The following ABCD3 variants were observed in gnomAD, a reference collection of about 807,000 sequenced individuals.
The protein encoded by ABCD3 is ATP binding cassette subfamily D member 3, also known as ATP-binding cassette sub-family D member 3.
In ABCD3, 41 loss-of-function variants were observed where a neutral mutation model predicts 105.5. That is an observed-to-expected ratio of 0.39 (90% CI 0.30 to 0.50). The LOEUF is 0.50. Among genes scored for constraint, ABCD3 ranks in the 20% least tolerant of loss-of-function variants. The pLI, the probability that ABCD3 is intolerant of heterozygous loss-of-function variation, is 0.84. For synonymous variants in ABCD3, 258 were observed against 269.0 expected, an observed-to-expected ratio of 0.96 and a Z score of 0.40; for missense variants, 622 against 806.3, an observed-to-expected ratio of 0.77 and a Z score of 2.77.
the ABCD3 span, among the ~76,000 whole-genome samples, chr1:94,392,789 CT>C: frequency 6.6e-6 from 1 of 151,934 alleles, no homozygotes; most frequent in Non-Finnish European, 1.5e-5. Context: ...GATTTGTGAC[CT>C]TTTTTTAAAG....
At chr1:94,470,278 T>C (rs2100986583) in intron 4 of ABCD3, among the ~76,000 whole-genome samples, 1 of 152,326 alleles carries the variant, frequency 6.6e-6, no homozygotes, top group Admixed American at 6.5e-5. Context: ...CACTCTGTTC[T>C]GGGTCTCAAC....
chr1:94,447,677 A>T (rs2100930631), intron 1 of ABCD3, among the ~76,000 whole-genome samples: 1 of 152,282 alleles, frequency 6.6e-6, no homozygotes, highest in East Asian at 1.9e-4. Context: ...ATCGAGAAAC[A>T]TTACCCCAAT....
chr1:94,436,525 C>T (rs1206262534), intron 1 of ABCD3, among the ~76,000 whole-genome samples: 1 of 152,154 alleles, frequency 6.6e-6, no homozygotes, highest in Admixed American at 6.5e-5. Flanking sequence ...TTGATATAGG[C>T]ATGCCTCATT....
rs191475499 is a variant in ABCD3 at position 94,424,903 on chromosome 1, T to C, written c.110+6315T>C. ...AATTTTTGTCTATTTTATTCACAGT[T>C]ATAGCCCCAGTGGCTAGAACTGTGG... On this transcript the variant is annotated intron_variant, in intron 1 of 22. Coordinates refer to ENST00000370214, the MANE Select transcript of ABCD3 (RefSeq NM_002858.4). Among the ~76,000 whole-genome samples the C allele has an allele frequency of 3.2e-4, 48 of 152,364 alleles. 1 individual carries two copies. The highest frequency in any genetic ancestry group is 3.4e-3 in the Middle Eastern group (1 of 294).
intron 21 of ABCD3, among the ~76,000 whole-genome samples, chr1:94,509,583 C>T (rs1457386563): frequency 6.6e-6 from 1 of 152,222 alleles, no homozygotes; most frequent in South Asian, 2.1e-4. Flanking sequence ...CTCCTTGTAC[C>T]TCTGGTAGAA....
chr1:94,455,671 T>A (rs1647516173), intron 1 of ABCD3: 1 of 451,974 alleles, frequency 2.2e-6, no homozygotes, highest in African/African-American at 2.0e-5. Context: ...AGGACTTATA[T>A]GTAGATTATG....
the ABCD3 span, among the ~76,000 whole-genome samples, chr1:94,385,300 G>A: frequency 6.6e-6 from 1 of 152,164 alleles, no homozygotes; most frequent in African/African-American, 2.4e-5. Flanking sequence ...TCTAGAAAGT[G>A]TCCTGAGCAA....
Position 94,458,603 on chromosome 1 carries a change from G to T in ABCD3, c.111-4G>T. 6.2e-7 allele frequency: 1 copy of T among 1,611,020 alleles called. No homozygotes were observed. The highest frequency in any genetic ancestry group is 8.5e-7 in the Non-Finnish European group (1 of 1,177,950). On this transcript the variant is annotated splice_polypyrimidine_tract_variant and splice_region_variant and intron_variant, in intron 1 of 22. Transcript: ENST00000370214. Reference sequence around the variant, plus strand: ...AGCTCTCTCTCTCTTTTTTTCCTCTGCAGTAAGAAAAGTGGAAAACCACCA... The same window carrying T: ...AGCTCTCTCTCTCTTTTTTTCCTCTTCAGTAAGAAAAGTGGAAAACCACCA...
chr1:94,446,052 A>G (rs1391110491), intron 1 of ABCD3, among the ~76,000 whole-genome samples: 1 of 152,216 alleles, frequency 6.6e-6, no homozygotes, highest in Non-Finnish European at 1.5e-5. Context: ...AAAAGAATGT[A>G]GAAAAAATCA....
chr1:94,433,032 A>T (rs1659751000), intron 1 of ABCD3, among the ~76,000 whole-genome samples: 1 of 148,454 alleles, frequency 6.7e-6, no homozygotes. Context: ...TAATTTTTGT[A>T]TTTTCAGTAG....
intron 1 of ABCD3, 75 bp downstream of exon 1, chr1:94,418,663 G>T: frequency 6.9e-7 from 1 of 1,457,478 alleles, no homozygotes; most frequent in Non-Finnish European, 9.3e-7. Context: ...TCCCCACCCG[G>T]CCGACAGGTC....
intron 1 of ABCD3, among the ~76,000 whole-genome samples, chr1:94,440,770 G>A (rs961460941): frequency 3.3e-5 from 5 of 152,068 alleles, no homozygotes; most frequent in Admixed American, 6.5e-5. Context: ...TTCTAGTTTC[G>A]TTGTATGTGT....
At chr1:94,511,066 C>G (rs905809928) in intron 21 of ABCD3, among the ~76,000 whole-genome samples, 29 of 151,856 alleles carry the variant, frequency 1.9e-4, no homozygotes, top group East Asian at 5.8e-4. Context: ...CTCGTTAGTT[C>G]ATGCAGTTTC....
At chr1:94,471,952 T>C (rs1305551652) in intron 4 of ABCD3, among the ~76,000 whole-genome samples, 1 of 152,130 alleles carries the variant, frequency 6.6e-6, no homozygotes, top group Non-Finnish European at 1.5e-5. Context: ...GACACCCTCT[T>C]TAAGGTAGAA....
At chr1:94,461,863 G>A (rs1244378255) in intron 2 of ABCD3, among the ~76,000 whole-genome samples, 1 of 152,100 alleles carries the variant, frequency 6.6e-6, no homozygotes, top group Non-Finnish European at 1.5e-5. Flanking sequence ...TACAGTCAGT[G>A]TACATTTTAC....
At chr1:94,454,488 G>T (rs376618045) in intron 1 of ABCD3, among the ~76,000 whole-genome samples, 7 of 152,218 alleles carry the variant, frequency 4.6e-5, no homozygotes, top group Admixed American at 3.3e-4. Flanking sequence ...CAAGTCAGGG[G>T]CTCGGGAAAG....
At chr1:94,504,999 A>G (rs1259887867) in intron 20 of ABCD3, among the ~76,000 whole-genome samples, 1 of 151,852 alleles carries the variant, frequency 6.6e-6, no homozygotes. Flanking sequence ...ACCAGGGAGG[A>G]CTCCTGGCTT....
intron 2 of ABCD3, among the ~76,000 whole-genome samples, chr1:94,463,414 A>C (rs1647972533): frequency 6.6e-6 from 1 of 152,216 alleles, no homozygotes; most frequent in Admixed American, 6.5e-5. Flanking sequence ...ATTCTAATTC[A>C]GTACCCAAAC....
At chr1:94,419,571 A>G (rs573487597) in intron 1 of ABCD3, among the ~76,000 whole-genome samples, 1 of 152,348 alleles carries the variant, frequency 6.6e-6, no homozygotes, top group Non-Finnish European at 1.5e-5. Flanking sequence ...AAATCTTGAC[A>G]TACTACTTTC....
Sources: gnomAD v4.1 joint callset for allele counts (sites outside exome capture counted in the v4.1 genomes callset) on GRCh38, gnomAD v4.1.1 for gene constraint, MANE v1.5 for transcripts, NCBI Gene and HGNC (gene_info 2026-07-23, HGNC 2026-07-21) for gene names.